The following NKAIN2 variants were observed in gnomAD, a reference collection of about 807,000 sequenced individuals.
NKAIN2 encodes the protein sodium/potassium-transporting ATPase subunit beta-1-interacting protein 2.
A neutral mutation model predicts 32.6 loss-of-function variants in NKAIN2; 14 were observed. The observed-to-expected ratio is 0.43, with a 90% CI of 0.28 to 0.67. The LOEUF is 0.67. Among genes scored for constraint, NKAIN2 ranks in the 30% least tolerant of loss-of-function variants. The pLI is 0.17. For missense variants in NKAIN2, 198 were observed against 258.3 expected, an observed-to-expected ratio of 0.77 and a Z score of 1.60; for synonymous variants, 80 against 87.2, an observed-to-expected ratio of 0.92 and a Z score of 0.46.
intron 2 of NKAIN2, among the ~76,000 whole-genome samples, chr6:124,339,111 G>C (rs988226773): frequency 1.3e-5 from 2 of 152,174 alleles, no homozygotes; most frequent in African/African-American, 2.4e-5. Flanking sequence ...GGGAGGCCAA[G>C]GCGGGCGGAT....
At chr6:124,727,389 TG>T (rs1201281579) in intron 4 of NKAIN2, among the ~76,000 whole-genome samples, 1 of 150,988 alleles carries the variant, frequency 6.6e-6, no homozygotes, top group African/African-American at 2.4e-5. Context: ...CAGAAGAGAG[TG>T]GGGGCCAATA....
intron 1 of NKAIN2, among the ~76,000 whole-genome samples, chr6:124,104,557 A>G (rs1785031751): frequency 6.6e-6 from 1 of 152,186 alleles, no homozygotes. Flanking sequence ...CTTATTTTAT[A>G]TATGTACACA....
At chr6:124,648,992 T>C (rs943445150) in intron 3 of NKAIN2, among the ~76,000 whole-genome samples, 1 of 152,178 alleles carries the variant, frequency 6.6e-6, no homozygotes, top group Non-Finnish European at 1.5e-5. Context: ...GTGAAAGCAC[T>C]GCTTTGAGGG....
intron 1 of NKAIN2, among the ~76,000 whole-genome samples, chr6:123,868,154 C>A (rs9482480): frequency 0.039 from 5,919 of 152,228 alleles, 351 homozygotes; most frequent in African/African-American, 0.13. Context: ...AGGCGTGAGC[C>A]ACTGTGCCCA....
intron 1 of NKAIN2, among the ~76,000 whole-genome samples, chr6:124,004,453 G>A (rs1459786289): frequency 6.6e-6 from 1 of 151,966 alleles, no homozygotes; most frequent in Non-Finnish European, 1.5e-5. Flanking sequence ...GAAGGAAGAG[G>A]GAAGCCAGAC....
At chr6:124,797,111 G>A (rs951654151) in intron 5 of NKAIN2, among the ~76,000 whole-genome samples, 21 of 143,254 alleles carry the variant, frequency 1.5e-4, no homozygotes, top group Admixed American at 2.2e-4. Flanking sequence ...AGCACTGTTC[G>A]ATGTGGCAAT....
chr6:124,114,467 T>C (rs143661812), intron 1 of NKAIN2, among the ~76,000 whole-genome samples: 7 of 151,956 alleles, frequency 4.6e-5, no homozygotes, highest in Non-Finnish European at 8.8e-5. Context: ...TAAGTTCAAG[T>C]AGAGATGTCA....
chr6:124,034,822 G>A (rs760740380), intron 1 of NKAIN2, among the ~76,000 whole-genome samples: 7 of 152,036 alleles, frequency 4.6e-5, no homozygotes, highest in Non-Finnish European at 8.8e-5. Context: ...TCTGACTGCT[G>A]TGAGACTTTA....
chr6:124,728,507 A>G (rs1776454285), intron 4 of NKAIN2, among the ~76,000 whole-genome samples: 1 of 111,484 alleles, frequency 9.0e-6, no homozygotes, highest in Non-Finnish European at 1.8e-5. Flanking sequence ...CTTTGAAACC[A>G]ACGAGAACAA....
chr6:124,259,330 G>A (rs1441502989), intron 1 of NKAIN2, among the ~76,000 whole-genome samples: 1 of 152,126 alleles, frequency 6.6e-6, no homozygotes, highest in Non-Finnish European at 1.5e-5. Flanking sequence ...GAGGGGCCTG[G>A]CATCTCATTG....
chr6:124,646,724 G>T (rs1247496437), intron 3 of NKAIN2, among the ~76,000 whole-genome samples: 1 of 152,164 alleles, frequency 6.6e-6, no homozygotes, highest in Non-Finnish European at 1.5e-5. Flanking sequence ...GCCGAGGCGA[G>T]TAGATCACTT....
At chr6:124,742,448 A>G (rs1777260013) in intron 4 of NKAIN2, among the ~76,000 whole-genome samples, 1 of 151,746 alleles carries the variant, frequency 6.6e-6, no homozygotes, top group South Asian at 2.1e-4. Context: ...TACCAGTGAC[A>G]CATTCTCACC....
At chr6:124,235,590 T>C (rs1052982534) in intron 1 of NKAIN2, among the ~76,000 whole-genome samples, 7 of 117,532 alleles carry the variant, frequency 6.0e-5, no homozygotes, top group African/African-American at 1.9e-4. Context: ...GTTTTGTTTT[T>C]GTTTTTTTGT....
chr6:124,296,971 G>A (rs1242164206), intron 2 of NKAIN2, among the ~76,000 whole-genome samples: 1 of 152,212 alleles, frequency 6.6e-6, no homozygotes, highest in Admixed American at 6.5e-5. Flanking sequence ...CTAAGACACT[G>A]AAGCAGCTTC....
At chr6:123,946,583 T>C (rs1350100832) in intron 1 of NKAIN2, among the ~76,000 whole-genome samples, 1 of 152,146 alleles carries the variant, frequency 6.6e-6, no homozygotes, top group Non-Finnish European at 1.5e-5. Context: ...GATTATATCA[T>C]TGATTGTATT....
intron 3 of NKAIN2, among the ~76,000 whole-genome samples, chr6:124,443,025 G>T (rs1041654469): frequency 6.6e-6 from 1 of 152,088 alleles, no homozygotes; most frequent in African/African-American, 2.4e-5. Context: ...AACTTGCTAT[G>T]CTCAGAAGAT....
At chr6:124,192,950 C>T (rs1271840187) in intron 1 of NKAIN2, among the ~76,000 whole-genome samples, 2 of 151,952 alleles carry the variant, frequency 1.3e-5, no homozygotes, top group Non-Finnish European at 2.9e-5. Flanking sequence ...GGGGTTTCAC[C>T]GTGTTAGCCA....
rs142610887 is a variant in NKAIN2, at chr6:124,724,557, C to T, written c.474+66171C>T. Among the ~76,000 whole-genome samples, 44 of 152,308 alleles carry T rather than the reference C, an allele frequency of 2.9e-4. No homozygotes were observed. In the East Asian group the frequency reaches 7.7e-3, roughly 27 times the overall value. Reference sequence around the variant, plus strand: ...GTACAATTCACACAGGTAAGATACTCATCTACTTTTCACTATAGTGTAAAG... The same window carrying T: ...GTACAATTCACACAGGTAAGATACTTATCTACTTTTCACTATAGTGTAAAG... On this transcript the variant is annotated intron_variant, in intron 4 of 6. Transcript: ENST00000368417.
At chr6:124,247,603 C>T (rs891832269) in intron 1 of NKAIN2, among the ~76,000 whole-genome samples, 3 of 152,036 alleles carry the variant, frequency 2.0e-5, no homozygotes, top group Non-Finnish European at 4.4e-5. Context: ...GACAATGGCT[C>T]CTCTTTGCAT....
Sources: gnomAD v4.1 joint callset for allele counts (sites outside exome capture counted in the v4.1 genomes callset) on GRCh38, gnomAD v4.1.1 for gene constraint, MANE v1.5 for transcripts, NCBI Gene and HGNC (gene_info 2026-07-23, HGNC 2026-07-21) for gene names.